The following TMF1 variants were observed in gnomAD, a reference collection of about 807,000 sequenced individuals.
TMF1 encodes TATA element modulatory factor 1.
TMF1 carries 71 observed loss-of-function variants against 126.5 expected under a neutral mutation model. The observed-to-expected ratio is 0.56, with a 90% CI of 0.46 to 0.68. The LOEUF is 0.68. Ranked by LOEUF, TMF1 falls within the 30% of genes least tolerant of loss-of-function variation. TMF1 has a pLI of 0.00. For missense variants in TMF1, 1,259 were observed against 1,253.2 expected, an observed-to-expected ratio of 1.00 and a Z score of -0.07; for synonymous variants, 461 against 430.5, an observed-to-expected ratio of 1.07 and a Z score of -0.88.
rs2091817185 is a variant in TMF1 at position 69,033,671 on chromosome 3, G to A, written c.2278C>T (p.Leu760=). 6.2e-7 allele frequency: 1 copy of A among 1,612,654 alleles called. No homozygotes were observed. The highest frequency in any genetic ancestry group is 1.7e-5 in the Admixed American group (1 of 59,626). ...LQEAENRNQE[L]SQSVSSTTRP... is the part of the protein sequence containing the mutation. ...GTTGTTGATGAAACACTTTGACTCAGTTCCTGGTTTCGATTCTCTGCTTCC... is the reference window on the plus strand; with the variant it reads ...GTTGTTGATGAAACACTTTGACTCAATTCCTGGTTTCGATTCTCTGCTTCC... Residue 760 remains leucine, a synonymous_variant, in exon 10 of 17, where the codon CTG becomes TTG. Coordinates refer to ENST00000398559, the MANE Select transcript of TMF1 (RefSeq NM_007114.3).
chr3:69,039,125 C>A, intron 6 of TMF1, 116 bp from the exon 7 acceptor site: 1 of 950,536 alleles, frequency 1.1e-6, no homozygotes, highest in Non-Finnish European at 1.5e-6. Flanking sequence ...GAGACAAAGT[C>A]TCGCTCTATT....
intron 1 of TMF1, among the ~76,000 whole-genome samples, chr3:69,049,284 A>G (rs3732628): frequency 0.33 from 50,578 of 152,060 alleles, 8,962 homozygotes; most frequent in East Asian, 0.53. Context: ...TGAGGTGGGA[A>G]GATCATCTGA....
intron 13 of TMF1, 46 bp from the exon 14 acceptor site, chr3:69,026,143 TA>T (rs1559628590): frequency 2.3e-6 from 3 of 1,298,474 alleles, no homozygotes; most frequent in Non-Finnish European, 3.3e-6. Context: ...AGCAAAGAGA[TA>T]AGCAGAGAAA....
chr3:69,027,152 T>G (rs532688305), intron 13 of TMF1, among the ~76,000 whole-genome samples: 15 of 152,176 alleles, frequency 9.9e-5, no homozygotes, highest in African/African-American at 3.6e-4. Flanking sequence ...CATGCCACCA[T>G]GCCCGGCTAA....
intron 1 of TMF1, among the ~76,000 whole-genome samples, chr3:69,050,686 T>C (rs2091922409): frequency 1.3e-5 from 2 of 152,244 alleles, no homozygotes; most frequent in South Asian, 4.1e-4. Context: ...CAAGGTTATA[T>C]GACATCTTGT....
chr3:69,043,936 T>A, intron 3 of TMF1, 60 bp from the exon 4 acceptor site: 2 of 1,367,716 alleles, frequency 1.5e-6, no homozygotes, highest in East Asian at 4.8e-5. Flanking sequence ...AAGGTATACA[T>A]GAGTTCAATT....
rs775363372 is a variant in TMF1 at position 69,047,347 on chromosome 3, AC to A, written c.1347+10del. The A allele has an allele frequency of 6.4e-7, 1 of 1,558,076 alleles. No individual in the cohort carries two copies. The highest frequency in any genetic ancestry group is 1.4e-5 in the African/African-American group (1 of 73,228). On this transcript the variant is annotated intron_variant, in intron 2 of 16. Coordinates refer to ENST00000398559, the MANE Select transcript of TMF1 (RefSeq NM_007114.3). ...GCACATCTAAAAATCCCTTCCACTT[AC>A]TAGAGTTACCTTGCAAACATCTTCC...
chr3:69,042,816 T>C lies in TMF1; in HGVS notation c.1675A>G (p.Met559Val), dbSNP rs2091875088. Residue 559 changes from methionine (M) to valine (V), a missense_variant, in exon 5 of 17, where the codon ATG (methionine) becomes GTG (valine). Transcript: ENST00000398559. ...KEKDEQIRGLMEEGEKLSKQQ... is the reference protein window; with the variant it reads ...KEKDEQIRGLVEEGEKLSKQQ... ...CAAATACTATACGCACCTTCTTCCA[T>C]TAACCCTCGGATCTGCTCATCTTTC... The C allele has an allele frequency of 6.2e-7, 1 of 1,613,304 alleles. No homozygotes were observed. Among genetic ancestry groups the C allele is most frequent in the East Asian group, 2.2e-5 (1 of 44,810 alleles).
chr3:69,038,647 T>C lies in TMF1; in HGVS notation c.2068A>G (p.Met690Val). ...GCAGAAAGTTCTTCTTTAGCTTTCA[T>C]TTCACGGCTCAGAGCAGCTTCCTGT... ...EAQEAALSRE[M>V]KAKEELSAAL... The change falls in exon 8 of 17, where the codon ATG becomes GTG. Residue 690 changes from methionine (M) to valine (V), a missense_variant. Met to Val is a conservative substitution (Grantham distance 21). Transcript: ENST00000398559. 1 of 1,614,214 alleles carries C rather than the reference T, an allele frequency of 6.2e-7. No individual in the cohort carries two copies. Among genetic ancestry groups the C allele is most frequent in the Non-Finnish European group, 8.5e-7 (1 of 1,180,020 alleles).
chr3:69,037,480 A>G (rs995297004), intron 8 of TMF1, among the ~76,000 whole-genome samples: 1 of 152,102 alleles, frequency 6.6e-6, no homozygotes, highest in Non-Finnish European at 1.5e-5. Context: ...TCTCTACTAA[A>G]AAAAAACAAA....
Position 69,052,226 on chromosome 3 carries a change from T to C in TMF1, c.-140A>G. ...GCGTGTGGCCATTACCCCGACAGCC[T>C]CCCGCGAGCCCGGGATGTTACCCTC... On this transcript the variant is annotated 5_prime_UTR_variant, in exon 1 of 17. Coordinates refer to ENST00000398559, the MANE Select transcript of TMF1 (RefSeq NM_007114.3). 6.4e-6 allele frequency: 6 copies of C among 932,488 alleles called. No homozygotes were observed. The highest frequency in any genetic ancestry group is 3.2e-5 in the Admixed American group (1 of 31,224). The allele number at this position is 932,488 out of a possible 1,614,324, so 57.8% of individuals were successfully genotyped here. A position where few individuals can be genotyped will look rare whatever the true frequency, so the allele number is the denominator to read the frequency against.
rs761508354 is a variant in TMF1 at position 69,025,692 on chromosome 3, T to A, written c.2880A>T (p.Ser960=). ...TTGCTGATATAGGCATTGGTCCAAA[T>A]GAGTGATCATGAGACTCATCCTATG... is the stretch of plus-strand genomic sequence containing the variant. ...FLSQDESHDH[S]FGPMPISANG... The change falls in exon 15 of 17, where the codon TCA becomes TCT. Residue 960 remains serine (S), a synonymous_variant. Transcript: ENST00000398559. 7 of 1,613,786 alleles carry A rather than the reference T, an allele frequency of 4.3e-6. No individual in the cohort carries two copies. In the East Asian group the frequency reaches 1.3e-4, roughly 31 times the overall value.
At chr3:69,040,853 C>T (rs900166073) in intron 5 of TMF1, among the ~76,000 whole-genome samples, 1 of 150,426 alleles carries the variant, frequency 6.6e-6, no homozygotes, top group East Asian at 2.0e-4. Flanking sequence ...ACCTGGGAGG[C>T]GGAGGTTGCA....
rs924970913 is a variant in TMF1, at chr3:69,028,219, G to T, written c.2664+7C>A. Reference sequence around the variant, plus strand: ...CCTAAGAGCTGAGTGGTCACGAAGAGAAATACCTTTTCTTTCCTCGTCTCT... The same window carrying T: ...CCTAAGAGCTGAGTGGTCACGAAGATAAATACCTTTTCTTTCCTCGTCTCT... On this transcript the variant is annotated splice_region_variant and intron_variant, in intron 12 of 16. Transcript: ENST00000398559. 6.2e-7 allele frequency: 1 copy of T among 1,610,854 alleles called. No individual in the cohort carries two copies.
At chr3:69,024,268 G>GT (rs201235194) in intron 15 of TMF1, 88 bp from the exon 16 acceptor site, 93,537 of 915,724 alleles carry the variant, frequency 0.1, 141 homozygotes, top group Non-Finnish European at 0.11. Flanking sequence ...TGTGTGTGTG[G>GT]TTTTTTTTTT....
In TMF1 at chr3:69,039,554, T is replaced by C; in HGVS notation, c.1824A>G (p.Lys608=). ...GAGAATTATGATTGCTATTCACCTG[T>C]TTCAAATGCTGCAACTCCTCTTCTA... ...KELEEELQHL[K]QVLDGKEEVE... The change falls in exon 6 of 17, where the codon AAA becomes AAG. Residue 608 remains lysine (K), a synonymous_variant. Transcript: ENST00000398559. The C allele has an allele frequency of 6.2e-7, 1 of 1,610,968 alleles. No homozygotes were observed. Among genetic ancestry groups the C allele is most frequent in the Non-Finnish European group, 8.5e-7 (1 of 1,179,366 alleles).
chr3:69,047,652 CT>C lies in TMF1; in HGVS notation c.1052del (p.Lys351ArgfsTer5). On this transcript the variant is annotated frameshift_variant, in exon 2 of 17. Coordinates refer to ENST00000398559, the MANE Select transcript of TMF1 (RefSeq NM_007114.3). LOFTEE classifies it high-confidence loss of function. ...CTATAATAGGCACTAAAGCATATCC[CT>C]TGCCTGACAATTCATCATCTGAATT... ...EINSDDELSG[K>X]GYALVPIIVN... 6.2e-7 allele frequency: 1 copy of C among 1,614,094 alleles called. No homozygotes were observed. The highest frequency in any genetic ancestry group is 8.5e-7 in the Non-Finnish European group (1 of 1,180,018).
At chr3:69,025,516 C>G (rs762668838) in intron 15 of TMF1, 44 bp downstream of exon 15, 2 of 1,566,118 alleles carry the variant, frequency 1.3e-6, no homozygotes, top group Non-Finnish European at 1.7e-6. Context: ...TATTAGGCCT[C>G]AAAACTTCAT....
intron 15 of TMF1, chr3:69,025,272 G>A (rs2091761991): frequency 7.0e-6 from 2 of 284,600 alleles, no homozygotes; most frequent in African/African-American, 4.4e-5. Flanking sequence ...TATGTCTTAT[G>A]TAGGCAGGTT....
Sources: allele counts gnomAD v4.1 joint callset (sites outside exome capture counted in the v4.1 genomes callset), GRCh38; gene constraint gnomAD v4.1.1; transcripts MANE v1.5; gene names NCBI Gene and HGNC (gene_info 2026-07-23, HGNC 2026-07-21).